Variants in SYTL3 observed in about 807,000 individuals in gnomAD.
The protein encoded by SYTL3 is synaptotagmin-like protein 3.
Under a neutral mutation model 82.1 loss-of-function variants are expected in SYTL3, and 88 were observed. The ratio of observed to expected loss-of-function variants is 1.07; its 90% CI spans 0.90 to 1.28. The LOEUF (loss-of-function observed/expected upper bound fraction) is 1.28. SYTL3 is among the 50% of genes most tolerant of loss of function. SYTL3 has a pLI of 0.00. For synonymous variants in SYTL3, 311 were observed against 289.4 expected (o/e 1.07, Z -0.76); for missense variants, 831 against 757.6 (o/e 1.10, Z -1.14).
intron 10 of SYTL3, among the ~76,000 whole-genome samples, chr6:158,721,283 G>A (rs980032526): frequency 2.7e-5 from 4 of 150,812 alleles, no homozygotes; most frequent in Non-Finnish European, 5.9e-5. Flanking sequence ...TGGTGATATC[G>A]TGGGTCACTG....
chr6:158,660,816 T>C (rs9364986), intron 2 of SYTL3, among the ~76,000 whole-genome samples: 43,892 of 152,096 alleles, frequency 0.29, 6,959 homozygotes, highest in East Asian at 0.67. Context: ...CCTGTAAACC[T>C]AGCACTTTGG....
chr6:158,645,961 C>T (rs1787421911), upstream of SYTL3, among the ~76,000 whole-genome samples: 1 of 152,164 alleles, frequency 6.6e-6, no homozygotes, highest in Admixed American at 6.5e-5. Context: ...GTACATTTTC[C>T]TCATAGCACT....
At chr6:158,697,416 A>G (rs1362579487) in intron 6 of SYTL3, among the ~76,000 whole-genome samples, 1 of 152,126 alleles carries the variant, frequency 6.6e-6, no homozygotes, top group Non-Finnish European at 1.5e-5. Flanking sequence ...AGCCTGGGTG[A>G]TGGAGCAAAG....
chr6:158,653,463 G>A (rs1299368191), intron 2 of SYTL3, among the ~76,000 whole-genome samples: 4 of 151,828 alleles, frequency 2.6e-5, no homozygotes, highest in African/African-American at 9.7e-5. Context: ...CCAAGATCGC[G>A]CCATTGCATT....
At chr6:158,728,995 G>A (rs1375050817) in intron 11 of SYTL3, among the ~76,000 whole-genome samples, 1 of 152,212 alleles carries the variant, frequency 6.6e-6, no homozygotes, top group Non-Finnish European at 1.5e-5. Context: ...GGGGCTTTCT[G>A]TGAACCAAGA....
chr6:158,760,876 C>A, intron 15 of SYTL3, 131 bp downstream of exon 15: 1 of 708,134 alleles, frequency 1.4e-6, no homozygotes, highest in Admixed American at 2.2e-5. Flanking sequence ...GCTCCAGCAG[C>A]TCTTCTTTCT....
At chr6:158,680,913 A>G (rs1174822951) in intron 5 of SYTL3, among the ~76,000 whole-genome samples, 3 of 152,256 alleles carry the variant, frequency 2.0e-5, no homozygotes, top group Admixed American at 1.3e-4. Context: ...CTAGCACTTC[A>G]TAGAGAAAGA....
At chr6:158,706,209 C>T (rs186131405) in intron 6 of SYTL3, among the ~76,000 whole-genome samples, 3 of 152,238 alleles carry the variant, frequency 2.0e-5, no homozygotes, top group East Asian at 3.9e-4. Flanking sequence ...GGCAGGTGGA[C>T]TCGGAACTTT....
chr6:158,661,560 T>A (rs913998588), intron 3 of SYTL3, among the ~76,000 whole-genome samples, 175 bp downstream of exon 3: 1 of 152,246 alleles, frequency 6.6e-6, no homozygotes, highest in Non-Finnish European at 1.5e-5. Flanking sequence ...GAATAATATA[T>A]TTTAATTTTA....
At position 158,698,332 on chromosome 6, in the gene SYTL3, G is replaced by C. The variant is rs1780782253; in HGVS notation, c.395-8898G>C. Among the ~76,000 whole-genome samples, 4 of 150,002 alleles carry C rather than the reference G, an allele frequency of 2.7e-5. No homozygotes were observed. The South Asian group carries it at 8.5e-4, about 32-fold the overall frequency. ...GAATCGCTTGAACACAGGAGGCAGA[G>C]GCTGCAGTGAGCCGAGATCACACCA... is the stretch of plus-strand genomic sequence containing the variant. On this transcript the variant is annotated intron_variant, in intron 6 of 17. Coordinates refer to ENST00000611299, the MANE Select transcript of SYTL3 (RefSeq NM_001242394.2).
intron 5 of SYTL3, among the ~76,000 whole-genome samples, chr6:158,670,539 T>G (rs759724873): frequency 6.6e-6 from 1 of 152,270 alleles, no homozygotes; most frequent in African/African-American, 2.4e-5. Flanking sequence ...CCCAGCACTT[T>G]GGGAGGCTGA....
chr6:158,747,738 C>G (rs1219921801), intron 12 of SYTL3, among the ~76,000 whole-genome samples: 1 of 152,146 alleles, frequency 6.6e-6, no homozygotes, highest in African/African-American at 2.4e-5. Context: ...CCTCACACCT[C>G]AGCCTCCCAA....
At chr6:158,702,893 G>A (rs935821191) in intron 6 of SYTL3, among the ~76,000 whole-genome samples, 3 of 152,016 alleles carry the variant, frequency 2.0e-5, no homozygotes, top group East Asian at 1.9e-4. Flanking sequence ...AGTGGCTCAC[G>A]CCTGTAATCC....
intron 6 of SYTL3, among the ~76,000 whole-genome samples, chr6:158,685,216 CTTTT>C (rs545473762): frequency 1.5e-5 from 2 of 135,658 alleles, no homozygotes. Flanking sequence ...CTCTCTCTCT[CTTTT>C]TTTTTTTTTT....
At chr6:158,726,689 G>A (rs186641007) in intron 11 of SYTL3, 155 of 284,076 alleles carry the variant, frequency 5.5e-4, no homozygotes, top group African/African-American at 2.9e-3. Context: ...GGAAGCCTTC[G>A]TTCATTCAGC....
intron 11 of SYTL3, among the ~76,000 whole-genome samples, chr6:158,728,737 G>A (rs1033136947): frequency 3.3e-5 from 5 of 151,418 alleles, no homozygotes; most frequent in Non-Finnish European, 5.9e-5. Context: ...TCAGGAGATC[G>A]AGACCATCCT....
At chr6:158,741,359 A>G (rs916286072) in intron 11 of SYTL3, among the ~76,000 whole-genome samples, 5 of 152,310 alleles carry the variant, frequency 3.3e-5, no homozygotes, top group East Asian at 3.9e-4. Flanking sequence ...GTGAGCCACC[A>G]TGTCTGGCCT....
rs539617354 is a variant in SYTL3 at position 158,693,217 on chromosome 6, A to G, written c.394+10228A>G. Among the ~76,000 whole-genome samples the G allele has an allele frequency of 4.6e-5, 7 of 152,266 alleles. No individual in the cohort carries two copies. The South Asian group carries it at 1.2e-3, about 27-fold the overall frequency. On this transcript the variant is annotated intron_variant, in intron 6 of 17. Transcript: ENST00000611299. ...TAAAAATTTTAAAAATTTTACATAG[A>G]CTTTTGTTTTATTTTTTTGAGACAG...
intron 6 of SYTL3, among the ~76,000 whole-genome samples, chr6:158,684,060 A>G (rs1369194517): frequency 6.6e-6 from 1 of 152,198 alleles, no homozygotes; most frequent in African/African-American, 2.4e-5. Flanking sequence ...GGCGATTACA[A>G]AAGCTGGTTT....
Sources: gnomAD v4.1 joint callset for allele counts (sites outside exome capture counted in the v4.1 genomes callset) on GRCh38, gnomAD v4.1.1 for gene constraint, MANE v1.5 for transcripts, NCBI Gene and HGNC (gene_info 2026-07-23, HGNC 2026-07-21) for gene names.